The following RIPOR1 variants were observed in gnomAD, a reference collection of about 807,000 sequenced individuals.
RIPOR1 encodes rho family-interacting cell polarization regulator 1.
RIPOR1 carries 58 observed loss-of-function variants against 116.5 expected under a neutral mutation model. That is an observed-to-expected ratio of 0.50 (90% CI 0.40 to 0.62). The LOEUF (loss-of-function observed/expected upper bound fraction) is 0.62. Among genes scored for constraint, RIPOR1 ranks in the 20% least tolerant of loss-of-function variants. RIPOR1 has a pLI of 0.00. For missense variants in RIPOR1, 1,372 were observed against 1,586.2 expected (o/e 0.86, Z 2.29); for synonymous variants, 605 against 650.0 (o/e 0.93, Z 1.05).
rs1197714840 is a variant in RIPOR1, at chr16:67,543,768, C to T, written c.2600+299C>T. ...CCCATCAGCTTGGGTGCCTCCAGCC[C>T]CTCCTCTTCCCCTTGGCCTCACCTT... On this transcript the variant is annotated intron_variant, in intron 14 of 21. Transcript: ENST00000042381. This position sits in a 1 kb window ranked among gnomAD's most constrained non-coding sequence, Gnocchi z 4.7. 6.2e-6 allele frequency: 3 copies of T among 482,828 alleles called. No homozygotes were observed. The highest frequency in any genetic ancestry group is 2.1e-5 in the South Asian group (1 of 47,284). 29.9% of individuals were successfully genotyped at this position (482,828 alleles called of 1,614,324 possible).
In RIPOR1 at chr16:67,541,586, G is replaced by A. The variant is rs370136670; in HGVS notation, c.950+8G>A. 6.2e-7 allele frequency: 1 copy of A among 1,613,894 alleles called. No homozygotes were observed. The highest frequency in any genetic ancestry group is 8.5e-7 in the Non-Finnish European group (1 of 1,179,940). The stretch of plus-strand genomic sequence containing the variant: ...CCTGGAAGTCACATGGAGGTTGGTG[G>A]GGCTGAGAGGCTTGGAGGAGGGCCA... On this transcript the variant is annotated splice_region_variant and intron_variant, in intron 11 of 21. Coordinates refer to ENST00000042381, the MANE Select transcript of RIPOR1 (RefSeq NM_024519.4). The surrounding 1 kb of genome is among the most constrained non-coding windows in gnomAD (Gnocchi z 4.6).
chr16:67,538,792 C>T lies in RIPOR1; in HGVS notation c.225C>T (p.Asp75=). ...AGGTGCCGCAGCCCGAGCGGCTGGA[C>T]CTGGTGTACACGGCGCTGAAGCGGG... The part of the protein sequence containing the change: ...AAKVPQPERL[D]LVYTALKRGL... Residue 75 remains aspartate, a synonymous_variant, in exon 3 of 22, where the codon GAC becomes GAT. Coordinates refer to ENST00000042381, the MANE Select transcript of RIPOR1 (RefSeq NM_024519.4). 6.2e-7 allele frequency: 1 copy of T among 1,613,472 alleles called. No homozygotes were observed. Among genetic ancestry groups the T allele is most frequent in the Non-Finnish European group, 8.5e-7 (1 of 1,179,976 alleles).
Position 67,542,498 on chromosome 16 carries a change from C to G in RIPOR1, c.1712C>G (p.Thr571Arg). The part of the protein sequence containing the change: ...SAPSPLTHTT[T>R]GSTHKPIIST... ...CCAAGCCCCCTCACTCACACTACTA[C>G]AGGCTCCACCCACAAGCCCATAATC... The change falls in exon 13 of 22, where the codon ACA (threonine) becomes AGA (arginine). Residue 571 changes from threonine (T) to arginine (R), a missense_variant. By Grantham distance (71) the Thr-to-Arg change is moderately conservative. Coordinates refer to ENST00000042381, the MANE Select transcript of RIPOR1 (RefSeq NM_024519.4). The surrounding 1 kb of genome is among the most constrained non-coding windows in gnomAD (Gnocchi z 4.6). 1 of 1,613,960 alleles carries G rather than the reference C, an allele frequency of 6.2e-7. No individual in the cohort carries two copies. The highest frequency in any genetic ancestry group is 1.1e-5 in the South Asian group (1 of 91,080).
chr16:67,545,255 G>A lies in RIPOR1; in HGVS notation c.3032-121G>A. The A allele has an allele frequency of 6.6e-7, 1 of 1,512,160 alleles. No homozygotes were observed. The highest frequency in any genetic ancestry group is 9.0e-7 in the Non-Finnish European group (1 of 1,115,376). The allele number at this position is 1,512,160 out of a possible 1,614,324, so 93.7% of individuals were successfully genotyped here. A position where few individuals can be genotyped will look rare whatever the true frequency, so the allele number is the denominator to read the frequency against. On this transcript the variant is annotated intron_variant, in intron 17 of 21. Coordinates refer to ENST00000042381, the MANE Select transcript of RIPOR1 (RefSeq NM_024519.4). This position sits in a 1 kb window ranked among gnomAD's most constrained non-coding sequence, Gnocchi z 4.8. ...AAAGACTTGGGCCTTAGAGCAGAAG[G>A]ACCCAGATGGGTGGGGTTTGAACAG...
intron 1 of RIPOR1, among the ~76,000 whole-genome samples, chr16:67,533,896 C>T (rs1432398018): frequency 1.3e-5 from 2 of 150,636 alleles, no homozygotes; most frequent in Admixed American, 6.6e-5. Flanking sequence ...CAACCTCCAC[C>T]TCCCGGGTTC....
At position 67,546,412 on chromosome 16, in the gene RIPOR1, C is replaced by T. The variant is rs777686309; in HGVS notation, c.3609C>T (p.Asp1203=). The T allele has an allele frequency of 8.1e-6, 13 of 1,614,062 alleles. No homozygotes were observed. The highest frequency in any genetic ancestry group is 1.1e-5 in the Non-Finnish European group (13 of 1,180,030). Residue 1203 remains aspartate (D), a synonymous_variant, in exon 22 of 22, where the codon GAC becomes GAT. Transcript: ENST00000042381. ...SAHRRLEESL[D]ALPRIFGPGS... is the part of the protein sequence containing the mutation. ...ATCGACGGCTGGAGGAGTCCCTGGACGCCCTGCCCCGCATCTTTGGGCCTG... is the reference window on the plus strand; with the variant it reads ...ATCGACGGCTGGAGGAGTCCCTGGATGCCCTGCCCCGCATCTTTGGGCCTG...
At chr16:67,539,554 T>C in intron 4 of RIPOR1, 174 bp from the exon 5 acceptor site, 1 of 796,946 alleles carries the variant, frequency 1.3e-6, no homozygotes. Context: ...ACCAGATCTG[T>C]GCTACCAGCA....
Position 67,540,120 on chromosome 16 carries a change from G to A in RIPOR1, c.482G>A (p.Arg161His), listed in dbSNP as rs369864235. 28 of 1,614,038 alleles carry A rather than the reference G, an allele frequency of 1.7e-5. No homozygotes were observed. The Admixed American group carries it at 3.0e-4, about 17-fold the overall frequency. Residue 161 changes from arginine (R) to histidine (H), a missense_variant, in exon 7 of 22, where the codon CGT becomes CAT. By Grantham distance (29) the Arg-to-His change is conservative (BLOSUM62 0). Coordinates refer to ENST00000042381, the MANE Select transcript of RIPOR1 (RefSeq NM_024519.4). The surrounding 1 kb of genome is among the most constrained non-coding windows in gnomAD (Gnocchi z 4.7). Reference protein sequence around the residue: ...RLRDGAYNMVRAYTTGSPGSR... With the variant: ...RLRDGAYNMVHAYTTGSPGSR... ...CGGGATGGTGCCTACAACATGGTCC[G>A]TGCCTACACCACTGGGTCCCCGGGA...
rs1340720923 is a variant in RIPOR1 at position 67,537,216 on chromosome 16, A to G, written c.-23-1208A>G. Among the ~76,000 whole-genome samples the G allele has an allele frequency of 3.3e-5, 5 of 152,172 alleles. No homozygotes were observed. Among genetic ancestry groups the G allele is most frequent in the African/African-American group, 7.2e-5 (3 of 41,446 alleles). On this transcript the variant is annotated intron_variant, in intron 1 of 21. Transcript: ENST00000042381. The surrounding 1 kb of genome is among the most constrained non-coding windows in gnomAD (Gnocchi z 4.6). ...GCGTGAGCCACTGTGCCCGGCCTCAATAGCGACTCTTTAAGCCCCCTACTC... is the reference window on the plus strand; with the variant it reads ...GCGTGAGCCACTGTGCCCGGCCTCAGTAGCGACTCTTTAAGCCCCCTACTC...
rs2050610091 is a variant in RIPOR1, at chr16:67,529,920, C to T, written c.-24+1006C>T. 9.5e-6 allele frequency: 11 copies of T among 1,153,598 alleles called. No individual in the cohort carries two copies. Among genetic ancestry groups the T allele is most frequent in the Non-Finnish European group, 1.4e-5 (11 of 797,568 alleles). 71.5% of individuals were successfully genotyped at this position (1,153,598 alleles called of 1,614,324 possible). The stretch of plus-strand genomic sequence containing the variant: ...GGAGAAGCGAGGATTAGATCTGAGT[C>T]CTTGCCCCTGCGACACCCACCTCCG... On this transcript the variant is annotated intron_variant, in intron 1 of 21. Coordinates refer to ENST00000042381, the MANE Select transcript of RIPOR1 (RefSeq NM_024519.4). This position sits in a 1 kb window ranked among gnomAD's most constrained non-coding sequence, Gnocchi z 4.1.
Position 67,530,712 on chromosome 16 carries a change from A to G in RIPOR1, c.-24+1798A>G, listed in dbSNP as rs36039155. Among the ~76,000 whole-genome samples the G allele has an allele frequency of 2.5e-3, 379 of 152,258 alleles. 1 individual carries two copies. Among genetic ancestry groups the G allele is most frequent in the African/African-American group, 8.6e-3 (359 of 41,542 alleles). Reference sequence around the variant, plus strand: ...CTGCAAGATCTGGGGCCATGCGGACAGGTCAGGGCTCCTCCACTCACGGCC... The same window carrying G: ...CTGCAAGATCTGGGGCCATGCGGACGGGTCAGGGCTCCTCCACTCACGGCC... On this transcript the variant is annotated intron_variant, in intron 1 of 21. Transcript: ENST00000042381. This position sits in a 1 kb window ranked among gnomAD's most constrained non-coding sequence, Gnocchi z 4.5.
At position 67,546,494 on chromosome 16, in the gene RIPOR1, T is replaced by G. The variant is rs1328974960; in HGVS notation, c.*31T>G. ...TCACCCATGGGTTCCTGGTGCCCCT[T>G]TCCCCCCACTTTCAGGGCTCACCAG... On this transcript the variant is annotated 3_prime_UTR_variant, in exon 22 of 22. Coordinates refer to ENST00000042381, the MANE Select transcript of RIPOR1 (RefSeq NM_024519.4). 3 of 1,580,634 alleles carry G rather than the reference T, an allele frequency of 1.9e-6. No individual in the cohort carries two copies. The highest frequency in any genetic ancestry group is 2.6e-6 in the Non-Finnish European group (3 of 1,151,386).
rs765366259 is a variant in RIPOR1 at position 67,545,557 on chromosome 16, A to G, written c.3190+23A>G. On this transcript the variant is annotated intron_variant, in intron 18 of 21. Transcript: ENST00000042381. This position sits in a 1 kb window ranked among gnomAD's most constrained non-coding sequence, Gnocchi z 4.8. The stretch of plus-strand genomic sequence containing the variant: ...AGGGTGAGGCGGTGGCCCTGATCAC[A>G]TAGTGGCCTCTTGGGGTCTGAGGAC... The G allele has an allele frequency of 9.3e-6, 15 of 1,612,956 alleles. No individual in the cohort carries two copies. The highest frequency in any genetic ancestry group is 1.3e-5 in the African/African-American group (1 of 75,034).
chr16:67,530,246 C>T lies in RIPOR1; in HGVS notation c.-24+1332C>T, dbSNP rs1202177557. Among the ~76,000 whole-genome samples, 1 of 152,122 alleles carries T rather than the reference C, an allele frequency of 6.6e-6. No homozygotes were observed. Among genetic ancestry groups the T allele is most frequent in the Non-Finnish European group, 1.5e-5 (1 of 67,996 alleles). On this transcript the variant is annotated intron_variant, in intron 1 of 21. Coordinates refer to ENST00000042381, the MANE Select transcript of RIPOR1 (RefSeq NM_024519.4). This position sits in a 1 kb window ranked among gnomAD's most constrained non-coding sequence, Gnocchi z 4.5. ...GACTCAGCCCTGGCCAGGCCCGGCC[C>T]GGGGGAGGCCGCCTGGCTCCCAGCG...
At chr16:67,525,855 T>C (rs2050535618), upstream of RIPOR1, among the ~76,000 whole-genome samples, 1 of 152,146 alleles carries the variant, frequency 6.6e-6, no homozygotes, top group African/African-American at 2.4e-5. Context: ...GAGTCTGCCC[T>C]TCCCAACGAT....
chr16:67,539,189 G>C, intron 4 of RIPOR1, 121 bp downstream of exon 4: 1 of 808,834 alleles, frequency 1.2e-6, no homozygotes, highest in Non-Finnish European at 1.9e-6. Context: ...GAGTAGAAAA[G>C]GGGATATCAG....
chr16:67,533,377 G>T (rs375209970), intron 1 of RIPOR1, among the ~76,000 whole-genome samples: 1 of 152,238 alleles, frequency 6.6e-6, no homozygotes, highest in East Asian at 1.9e-4. Flanking sequence ...ATTGAGCTGC[G>T]GGATCTGTGC....
At chr16:67,523,888 G>C (rs2050518942), upstream of RIPOR1, among the ~76,000 whole-genome samples, 1 of 152,048 alleles carries the variant, frequency 6.6e-6, no homozygotes, top group South Asian at 2.1e-4. Flanking sequence ...ATATTGCCCA[G>C]TCTGGTCTCT....
chr16:67,538,760 G>A lies in RIPOR1; in HGVS notation c.193G>A (p.Ala65Thr), dbSNP rs781526223. The A allele has an allele frequency of 7.4e-5, 119 of 1,613,430 alleles. No individual in the cohort carries two copies. Among genetic ancestry groups the A allele is most frequent in the Non-Finnish European group, 9.8e-5 (116 of 1,179,970 alleles). ...VSRMFSVAHP[A>T]AKVPQPERLD... ...CAGGATGTTTTCCGTGGCTCACCCA[G>A]CCGCCAAGGTGCCGCAGCCCGAGCG... The change falls in exon 3 of 22, where the codon GCC (alanine) becomes ACC (threonine). Residue 65 changes from alanine to threonine, a missense_variant. Coordinates refer to ENST00000042381, the MANE Select transcript of RIPOR1 (RefSeq NM_024519.4).
Sources: gnomAD v4.1 joint callset for allele counts (sites outside exome capture counted in the v4.1 genomes callset) on GRCh38, gnomAD v4.1.1 for gene constraint, Gnocchi (gnomAD v3.1) non-coding constraint, MANE v1.5 for transcripts, NCBI Gene and HGNC (gene_info 2026-07-23, HGNC 2026-07-21) for gene names.